Variants in SYN3 observed in about 807,000 individuals in gnomAD.
SYN3 encodes synapsin III.
Under a neutral mutation model 65.8 loss-of-function variants are expected in SYN3, and 35 were observed. The observed-to-expected ratio is 0.53, with a 90% CI of 0.41 to 0.70. The LOEUF (loss-of-function observed/expected upper bound fraction) is 0.70, where lower values mean the gene tolerates loss of function less well. SYN3 is among the 30% of genes least tolerant of loss of function. The pLI, the probability that SYN3 is intolerant of heterozygous loss-of-function variation, is 0.00. For missense variants in SYN3, 680 were observed against 749.0 expected (o/e 0.91, Z 1.08); for synonymous variants, 270 against 292.9 (o/e 0.92, Z 0.80).
rs140248663 is a variant in SYN3, at chr22:32,753,042, G to A, written c.711+111873C>T. Among the ~76,000 whole-genome samples, 23 of 152,224 alleles carry A rather than the reference G, an allele frequency of 1.5e-4. No individual in the cohort carries two copies. In the East Asian group the frequency reaches 1.7e-3, roughly 12 times the overall value. ...ACAACATGGACTTCCTCCTGGCAGT[G>A]AGCCAGCTGGAGAACCTCAGCAGAG... On this transcript the variant is annotated intron_variant, in intron 6 of 13. Transcript: ENST00000358763.
At chr22:33,036,820 T>C (rs1426274056) in intron 1 of SYN3, among the ~76,000 whole-genome samples, 2 of 151,636 alleles carry the variant, frequency 1.3e-5, no homozygotes, top group African/African-American at 4.9e-5. Context: ...GCCTCCTGAG[T>C]AGCTGGGATT....
intron 8 of SYN3, among the ~76,000 whole-genome samples, chr22:32,539,762 G>GA (rs1408780191): frequency 7.0e-6 from 1 of 143,808 alleles, no homozygotes; most frequent in Non-Finnish European, 1.5e-5. Flanking sequence ...AGGCTCAGCA[G>GA]AAAAATGCTG....
chr22:32,691,894 A>G (rs1220509140), intron 6 of SYN3, among the ~76,000 whole-genome samples: 2 of 152,016 alleles, frequency 1.3e-5, no homozygotes, highest in African/African-American at 4.8e-5. Flanking sequence ...ACCTCCATCC[A>G]TGGAATGAGC....
At chr22:32,613,539 T>C (rs2059475078) in intron 6 of SYN3, among the ~76,000 whole-genome samples, 1 of 140,740 alleles carries the variant, frequency 7.1e-6, no homozygotes, top group Admixed American at 7.0e-5. Context: ...CCCTGATATA[T>C]TTATTTCCAC....
intron 6 of SYN3, among the ~76,000 whole-genome samples, chr22:32,832,270 C>T (rs1254527764): frequency 6.6e-6 from 1 of 151,932 alleles, no homozygotes; most frequent in Non-Finnish European, 1.5e-5. Context: ...ACTTGGACCA[C>T]TACAACGAAG....
chr22:32,876,186 C>T (rs2048976235), intron 4 of SYN3, among the ~76,000 whole-genome samples: 1 of 152,108 alleles, frequency 6.6e-6, no homozygotes, highest in Non-Finnish European at 1.5e-5. Flanking sequence ...CTTCCTAGCT[C>T]CTCACTGTGT....
chr22:32,711,867 G>T (rs1292611855), intron 6 of SYN3, among the ~76,000 whole-genome samples: 1 of 152,220 alleles, frequency 6.6e-6, no homozygotes, highest in Non-Finnish European at 1.5e-5. Context: ...CTGTGGGCCA[G>T]GGGCAGGTGG....
At chr22:32,577,312 T>A (rs372217678) in intron 7 of SYN3, among the ~76,000 whole-genome samples, 64 of 152,298 alleles carry the variant, frequency 4.2e-4, no homozygotes, top group African/African-American at 1.4e-3. Context: ...CAGCTGAAGT[T>A]TCCCACCTTT....
intron 3 of SYN3, among the ~76,000 whole-genome samples, chr22:32,945,906 G>C (rs1452307527): frequency 6.6e-6 from 1 of 152,184 alleles, no homozygotes; most frequent in Non-Finnish European, 1.5e-5. Context: ...CTTCTCAAAA[G>C]AAGACATTTA....
chr22:32,619,018 A>G (rs545424554), intron 6 of SYN3, among the ~76,000 whole-genome samples: 3 of 152,130 alleles, frequency 2.0e-5, no homozygotes, highest in African/African-American at 7.2e-5. Context: ...TCTACCTGTG[A>G]CCTCCTCTCT....
intron 6 of SYN3, among the ~76,000 whole-genome samples, chr22:32,807,395 ATATATATATATTATATTTACATATATAT>A (rs2046789998): frequency 3.0e-5 from 3 of 100,150 alleles, no homozygotes; most frequent in Non-Finnish European, 5.8e-5. Context: ...ATTATATATA[ATATATATATATTATATTTACATATATAT>A]TATATATATA....
At chr22:32,748,722 T>A in intron 6 of SYN3, among the ~76,000 whole-genome samples, 1 of 152,292 alleles carries the variant, frequency 6.6e-6, no homozygotes, top group Middle Eastern at 3.4e-3. Context: ...TCAGGTCTTA[T>A]CCTCGACCAG....
intron 1 of SYN3, among the ~76,000 whole-genome samples, chr22:33,028,751 AG>A (rs1296206713): frequency 2.0e-5 from 3 of 151,234 alleles, no homozygotes; most frequent in African/African-American, 7.3e-5. Context: ...TTTAAGAATC[AG>A]GCACTGTGGC....
chr22:32,745,727 G>C lies in SYN3; in HGVS notation c.711+119188C>G, dbSNP rs137956889. Among the ~76,000 whole-genome samples, 614 of 152,224 alleles carry C rather than the reference G, an allele frequency of 4.0e-3. 6 individuals are homozygous for C. The highest frequency in any genetic ancestry group is 0.014 in the African/African-American group (597 of 41,546). Reference sequence around the variant, plus strand: ...AAACGGACACGTACACCCAGATAGAGAGCAGAGAAAAACACAGAGGTGGGG... The same window carrying C: ...AAACGGACACGTACACCCAGATAGACAGCAGAGAAAAACACAGAGGTGGGG... On this transcript the variant is annotated intron_variant, in intron 6 of 13. Coordinates refer to ENST00000358763, the MANE Select transcript of SYN3 (RefSeq NM_003490.4).
chr22:32,678,604 CCTT>C lies in SYN3; in HGVS notation c.712-81871_712-81869del, dbSNP rs1457545618. Among the ~76,000 whole-genome samples, 11 of 151,328 alleles carry C rather than the reference CCTT, an allele frequency of 7.3e-5. No individual in the cohort carries two copies. The East Asian group carries it at 9.8e-4, about 13-fold the overall frequency. On this transcript the variant is annotated intron_variant, in intron 6 of 13. Coordinates refer to ENST00000358763, the MANE Select transcript of SYN3 (RefSeq NM_003490.4). ...TCCTCCTCCTTCTTCTCCTTCTTCT[CCTT>C]CTTTCTTCCTCTTCTTCCTCTTCCT...
chr22:32,945,387 C>T (rs1016354392), intron 3 of SYN3, among the ~76,000 whole-genome samples: 8 of 152,120 alleles, frequency 5.3e-5, no homozygotes, highest in Non-Finnish European at 1.2e-4. Context: ...AATAATACCA[C>T]ACATCTACAA....
intron 5 of SYN3, among the ~76,000 whole-genome samples, chr22:32,868,109 C>T (rs957442671): frequency 7.2e-5 from 11 of 152,134 alleles, no homozygotes; most frequent in South Asian, 2.1e-4. Flanking sequence ...TCACTTCACA[C>T]GAGAGCGACA....
chr22:32,985,990 C>A (rs1425616152), intron 2 of SYN3, among the ~76,000 whole-genome samples: 2 of 152,092 alleles, frequency 1.3e-5, no homozygotes, highest in Non-Finnish European at 2.9e-5. Flanking sequence ...CCAGCCCTTA[C>A]CACTTCACGT....
At chr22:32,780,068 C>CAAA (rs130536) in intron 6 of SYN3, among the ~76,000 whole-genome samples, 2 of 72,598 alleles carry the variant, frequency 2.8e-5, no homozygotes, top group African/African-American at 6.5e-5. Flanking sequence ...GATTCTGTCT[C>CAAA]AAAAAAAAAA....
Sources: allele counts gnomAD v4.1 joint callset (sites outside exome capture counted in the v4.1 genomes callset), GRCh38; gene constraint gnomAD v4.1.1; transcripts MANE v1.5; gene names NCBI Gene and HGNC (gene_info 2026-07-23, HGNC 2026-07-21).